Variants in RAPGEF6 observed in about 807,000 individuals in gnomAD.
The protein encoded by RAPGEF6 is Rap guanine nucleotide exchange factor 6, also known as PDZ domain containing guanine nucleotide exchange factor (GEF) 2.
In RAPGEF6, 56 loss-of-function variants were observed where a neutral mutation model predicts 171.4. The observed-to-expected ratio is 0.33, with a 90% CI of 0.26 to 0.41. RAPGEF6 has a LOEUF of 0.41. Among genes scored for constraint, RAPGEF6 ranks in the 10% least tolerant of loss-of-function variants. The probability of loss-of-function intolerance (pLI) is 1.00; values close to 1 mark genes in which losing one functional copy is unlikely to be tolerated. For missense variants in RAPGEF6, 1,674 were observed against 1,921.4 expected (o/e 0.87, Z 2.41); for synonymous variants, 692 against 650.1 (o/e 1.06, Z -0.98).
intron 6 of RAPGEF6, among the ~76,000 whole-genome samples, chr5:131,547,195 C>G (rs140494703): frequency 6.6e-6 from 1 of 152,162 alleles, no homozygotes. Context: ...CTTTCTTACT[C>G]CTAACACCTA....
At chr5:131,459,951 T>C (rs1473990107) in intron 19 of RAPGEF6, among the ~76,000 whole-genome samples, 1 of 152,192 alleles carries the variant, frequency 6.6e-6, no homozygotes, top group Non-Finnish European at 1.5e-5. Context: ...TTTATAATTA[T>C]AAAAAGTTGT....
chr5:131,597,927 G>A (rs921735472), intron 3 of RAPGEF6, among the ~76,000 whole-genome samples: 1 of 152,046 alleles, frequency 6.6e-6, no homozygotes, highest in Non-Finnish European at 1.5e-5. Flanking sequence ...ACCCTAATTT[G>A]TATATTATAT....
intron 6 of RAPGEF6, among the ~76,000 whole-genome samples, chr5:131,544,318 A>T (rs1760359309): frequency 1.3e-5 from 2 of 152,198 alleles, no homozygotes; most frequent in Admixed American, 1.3e-4. Context: ...AAACAGGCAA[A>T]CAGAAACAAA....
intron 9 of RAPGEF6, among the ~76,000 whole-genome samples, chr5:131,507,691 A>G (rs1757457716): frequency 6.6e-6 from 1 of 152,232 alleles, no homozygotes; most frequent in Non-Finnish European, 1.5e-5. Context: ...AATAAGGAAT[A>G]AGAAAAATTC....
In RAPGEF6 at chr5:131,519,157, CCA is replaced by C. The variant is rs200061782; in HGVS notation, c.627+2231_627+2232del. On this transcript the variant is annotated intron_variant, in intron 7 of 27. Coordinates refer to ENST00000509018, the MANE Select transcript of RAPGEF6 (RefSeq NM_016340.6). The stretch of plus-strand genomic sequence containing the variant: ...TCCAACCAACACCAGCAGGTGTACT[CCA>C]GTCTCATCCTCAGGTTGTCCAGCTA... Among the ~76,000 whole-genome samples the C allele has an allele frequency of 7.2e-3, 1,104 of 152,280 alleles. 6 individuals are homozygous for C. Among genetic ancestry groups the C allele is most frequent in the Non-Finnish European group, 0.01 (694 of 68,028 alleles).
chr5:131,430,804 C>A, intron 26 of RAPGEF6, 55 bp downstream of exon 26: 3 of 1,579,832 alleles, frequency 1.9e-6, no homozygotes, highest in Non-Finnish European at 2.6e-6. Context: ...TATCCCAATG[C>A]CATTTTTTGA....
intron 6 of RAPGEF6, among the ~76,000 whole-genome samples, chr5:131,527,301 A>G (rs1580972189): frequency 6.7e-6 from 1 of 150,164 alleles, no homozygotes; most frequent in South Asian, 2.1e-4. Flanking sequence ...CAACAACAAC[A>G]ACAAAAAAAA....
rs183064806 is a variant in RAPGEF6, at chr5:131,628,638, C to T, written c.69+6324G>A. On this transcript the variant is annotated intron_variant, in intron 1 of 27. Coordinates refer to ENST00000509018, the MANE Select transcript of RAPGEF6 (RefSeq NM_016340.6). The stretch of plus-strand genomic sequence containing the variant: ...AGAAGAAGATGCCACCTAAGACTTC[C>T]ATAACTAGAGAGGAGAAATCAATGC... 1.8e-4 allele frequency among the ~76,000 whole-genome samples: 27 copies of T among 152,268 alleles called. 1 individual carries two copies. The highest frequency in any genetic ancestry group is 1.3e-3 in the Admixed American group (20 of 15,298).
In RAPGEF6 at chr5:131,424,425, C is replaced by A. The variant is rs983501820; in HGVS notation, c.*2841G>T. The A allele has an allele frequency of 3.3e-5, 5 of 152,302 alleles. No homozygotes were observed. The allele number at this position is 152,302 out of a possible 1,614,324, so 9.4% of individuals were successfully genotyped here. A position where few individuals can be genotyped will look rare whatever the true frequency, so the allele number is the denominator to read the frequency against. ...AAGGAATACATATACTTTAATATCA[C>A]CTTTTTTAGAAACTTAAAATTGAAT... On this transcript the variant is annotated 3_prime_UTR_variant, in exon 28 of 28. Coordinates refer to ENST00000509018, the MANE Select transcript of RAPGEF6 (RefSeq NM_016340.6).
At chr5:131,511,669 T>A (rs1757738790) in intron 7 of RAPGEF6, among the ~76,000 whole-genome samples, 1 of 151,850 alleles carries the variant, frequency 6.6e-6, no homozygotes, top group Non-Finnish European at 1.5e-5. Flanking sequence ...ACTAATTTTT[T>A]AAATATTTGT....
Position 131,540,515 on chromosome 5 carries a change from T to C in RAPGEF6, c.495+7532A>G, listed in dbSNP as rs562760884. On this transcript the variant is annotated intron_variant, in intron 6 of 27. Transcript: ENST00000509018. ...AGTTTGAGCTTATGGTGAACTATGA[T>C]CGCATAACTGCATTTCACAGCTTGG... Among the ~76,000 whole-genome samples, 3 of 152,322 alleles carry C rather than the reference T, an allele frequency of 2.0e-5. No individual in the cohort carries two copies. The East Asian group carries it at 5.8e-4, about 29-fold the overall frequency.
chr5:131,453,385 T>C (rs1000700507), intron 20 of RAPGEF6, among the ~76,000 whole-genome samples: 16 of 152,140 alleles, frequency 1.1e-4, no homozygotes, highest in African/African-American at 3.6e-4. Context: ...ATAGGAGTGA[T>C]GGTTATGAAT....
chr5:131,431,950 G>T (rs889187962), intron 25 of RAPGEF6, among the ~76,000 whole-genome samples: 1 of 151,898 alleles, frequency 6.6e-6, no homozygotes, highest in Admixed American at 6.6e-5. Context: ...ATTTTTCAAC[G>T]TACCTCTGAG....
At chr5:131,451,682 A>G (rs551807462) in intron 21 of RAPGEF6, among the ~76,000 whole-genome samples, 4 of 152,332 alleles carry the variant, frequency 2.6e-5, no homozygotes, top group Non-Finnish European at 4.4e-5. Flanking sequence ...GAAAATTCCA[A>G]CTCTGGCTTT....
intron 4 of RAPGEF6, among the ~76,000 whole-genome samples, chr5:131,591,969 T>C (rs1763617993): frequency 1.3e-5 from 2 of 152,188 alleles, no homozygotes; most frequent in Admixed American, 6.5e-5. Context: ...GCGAGTCTCC[T>C]GCCTCAGCCT....
At position 131,450,350 on chromosome 5, in the gene RAPGEF6, C is replaced by T. The variant is rs534678579; in HGVS notation, c.3200+2704G>A. ...TAAGAAGCTTAAGGAAAAACATTTA[C>T]TTACTATAATATAAATTTTGAATTC... On this transcript the variant is annotated intron_variant, in intron 21 of 27. Transcript: ENST00000509018. Among the ~76,000 whole-genome samples the T allele has an allele frequency of 1.3e-3, 204 of 152,122 alleles. 2 individuals carry two copies. The highest frequency in any genetic ancestry group is 9.5e-3 in the South Asian group (46 of 4,822).
chr5:131,562,744 G>A (rs896549398), intron 4 of RAPGEF6, among the ~76,000 whole-genome samples: 1 of 152,064 alleles, frequency 6.6e-6, no homozygotes, highest in South Asian at 2.1e-4. Flanking sequence ...AGTAAAACAA[G>A]TCTATATATG....
intron 4 of RAPGEF6, among the ~76,000 whole-genome samples, chr5:131,586,426 G>A (rs555912215): frequency 6.6e-6 from 1 of 152,334 alleles, no homozygotes; most frequent in South Asian, 2.1e-4. Flanking sequence ...GCCAAGGCAG[G>A]TGGATTACTT....
chr5:131,568,040 A>G (rs1463208896), intron 4 of RAPGEF6, among the ~76,000 whole-genome samples: 3 of 152,114 alleles, frequency 2.0e-5, no homozygotes, highest in Non-Finnish European at 4.4e-5. Flanking sequence ...ATATCTCTCA[A>G]TCCTTTTCAA....
Sources: gnomAD v4.1 joint callset for allele counts (sites outside exome capture counted in the v4.1 genomes callset) on GRCh38, gnomAD v4.1.1 for gene constraint, MANE v1.5 for transcripts, NCBI Gene and HGNC (gene_info 2026-07-23, HGNC 2026-07-21) for gene names.